POLH: variants seen among roughly 807,000 people sequenced by gnomAD.
POLH encodes the protein DNA polymerase eta transcript.
In POLH, 53 loss-of-function variants were observed where a neutral mutation model predicts 73.6. That is an observed-to-expected ratio of 0.72 (90% CI 0.58 to 0.91). POLH has a LOEUF of 0.91. Among genes scored for constraint, POLH ranks in the 40% least tolerant of loss-of-function variants. POLH has a pLI of 0.00. For missense variants in POLH, 768 were observed against 865.4 expected (o/e 0.89, Z 1.41); for synonymous variants, 292 against 308.5 (o/e 0.95, Z 0.56).
At chr6:43,610,461 T>C in intron 9 of POLH, 93 bp from the exon 10 acceptor site, 1 of 1,004,802 alleles carries the variant, frequency 1.0e-6, no homozygotes, top group East Asian at 2.4e-5. Flanking sequence ...ATTGTCACCC[T>C]GGTTCTTTTA....
intron 1 of POLH, among the ~76,000 whole-genome samples, chr6:43,577,171 C>T (rs1331976168): frequency 2.6e-5 from 4 of 152,200 alleles, no homozygotes; most frequent in South Asian, 4.1e-4. Context: ...GAGCGAAACT[C>T]CGTCTCAAAA....
At chr6:43,594,370 ATAAT>A (rs1256206609) in intron 4 of POLH, among the ~76,000 whole-genome samples, 1 of 152,188 alleles carries the variant, frequency 6.6e-6, no homozygotes, top group Non-Finnish European at 1.5e-5. Flanking sequence ...AGGAAAACAG[ATAAT>A]TAAAAAAAAA....
intron 4 of POLH, chr6:43,588,154 G>T (rs1765043522): frequency 6.3e-6 from 1 of 159,392 alleles, no homozygotes; most frequent in South Asian, 1.8e-4. Context: ...TTTTAAAGGG[G>T]GGCCTCAGGT....
rs186059509 is a variant in POLH at position 43,616,106 on chromosome 6, C to T, written c.*1549C>T. On this transcript the variant is annotated 3_prime_UTR_variant, in exon 11 of 11. Transcript: ENST00000372236. ...GATCGAGACCACGGTGAAACCCCGT[C>T]TCTACTAAAAAATACAAAAAAAAAT... Among the ~76,000 whole-genome samples, 747 of 151,904 alleles carry T rather than the reference C, an allele frequency of 4.9e-3. 5 individuals carry two copies. Among genetic ancestry groups the T allele is most frequent in the African/African-American group, 0.016 (679 of 41,482 alleles).
rs577120706 is a variant in POLH, at chr6:43,607,572, C to T, written c.1074+2253C>T. On this transcript the variant is annotated intron_variant, in intron 9 of 10. Transcript: ENST00000372236. The stretch of plus-strand genomic sequence containing the variant: ...GTGTAGACACCTGTTTTCTTTCCAG[C>T]ATATACCTTGGAGTATAATTTCTGG... Among the ~76,000 whole-genome samples the T allele has an allele frequency of 3.3e-5, 5 of 152,296 alleles. No individual in the cohort carries two copies. In the South Asian group the frequency reaches 1.0e-3, roughly 32 times the overall value.
intron 10 of POLH, among the ~76,000 whole-genome samples, chr6:43,613,278 G>A (rs1239787820): frequency 6.6e-6 from 1 of 152,082 alleles, no homozygotes; most frequent in Non-Finnish European, 1.5e-5. Flanking sequence ...ATATTCTAAA[G>A]CTTTTTGTTG....
intron 1 of POLH, among the ~76,000 whole-genome samples, chr6:43,581,274 G>A (rs1225987138): frequency 1.2e-3 from 184 of 147,906 alleles, no homozygotes; most frequent in African/African-American, 4.0e-3. Flanking sequence ...GGGCAGAGGC[G>A]CTCCCCACAT....
intron 9 of POLH, among the ~76,000 whole-genome samples, chr6:43,607,321 A>C (rs1385444056): frequency 6.6e-6 from 1 of 152,114 alleles, no homozygotes; most frequent in Admixed American, 6.6e-5. Context: ...TCTCAATCTC[A>C]TGACCTTGTG....
chr6:43,610,484 G>A lies in POLH; in HGVS notation c.1075-70G>A. 2.4e-6 allele frequency: 3 copies of A among 1,266,334 alleles called. No homozygotes were observed. In the South Asian group the frequency reaches 3.6e-5, roughly 15 times the overall value. 78.4% of individuals were successfully genotyped at this position (1,266,334 alleles called of 1,614,324 possible). On this transcript the variant is annotated intron_variant, in intron 9 of 10. Transcript: ENST00000372236. Reference sequence around the variant, plus strand: ...CCTGGTTCTTTTAATTTCCTCTCCTGCAGTTCAGTACCTAGAATTCAGATG... The same window carrying A: ...CCTGGTTCTTTTAATTTCCTCTCCTACAGTTCAGTACCTAGAATTCAGATG...
At chr6:43,588,880 C>T (rs1016236577) in intron 4 of POLH, 2 of 151,512 alleles carry the variant, frequency 1.3e-5, no homozygotes, top group African/African-American at 4.9e-5. Context: ...CTCTTTCGCC[C>T]AGGCCGGACT....
At position 43,612,385 on chromosome 6, in the gene POLH, T is replaced by C. The variant is rs116305388; in HGVS notation, c.1245-1275T>C. 9.2e-3 allele frequency among the ~76,000 whole-genome samples: 1,394 copies of C among 151,434 alleles called. 18 individuals carry two copies. The highest frequency in any genetic ancestry group is 0.031 in the African/African-American group (1,259 of 41,120). ...TTTTGAGACGGAATCTCGCTCTTGT[T>C]GTCTAGGCTGGAGTGCAGTGACGCA... On this transcript the variant is annotated intron_variant, in intron 10 of 10. Coordinates refer to ENST00000372236, the MANE Select transcript of POLH (RefSeq NM_006502.3).
intron 1 of POLH, among the ~76,000 whole-genome samples, chr6:43,581,127 A>G (rs1582267676): frequency 1.5e-5 from 2 of 137,488 alleles, no homozygotes; most frequent in Non-Finnish European, 3.2e-5. Context: ...GGGGCTCCTC[A>G]CTTCTCAGAC....
rs183254556 is a variant in POLH, at chr6:43,585,725, A to G, written c.273-1547A>G. ...CAATGGTGCAATCTCGGCTCACCAC[A>G]ACCTCCATCTCTTGGATTCAAGTGA... is the stretch of plus-strand genomic sequence containing the variant. On this transcript the variant is annotated intron_variant, in intron 3 of 10. Transcript: ENST00000372236. Among the ~76,000 whole-genome samples, 727 of 149,380 alleles carry G rather than the reference A, an allele frequency of 4.9e-3. 5 individuals carry two copies. Among genetic ancestry groups the G allele is most frequent in the African/African-American group, 0.016 (661 of 40,124 alleles).
rs554195364 is a variant in POLH, at chr6:43,602,086, A to G, written c.764+995A>G. Among the ~76,000 whole-genome samples, 51 of 152,166 alleles carry G rather than the reference A, an allele frequency of 3.4e-4. No homozygotes were observed. In the Middle Eastern group the frequency reaches 0.01, roughly 30 times the overall value. On this transcript the variant is annotated intron_variant, in intron 6 of 10. Coordinates refer to ENST00000372236, the MANE Select transcript of POLH (RefSeq NM_006502.3). ...AAATATATAAAAAATAAATAAATAAACCAAGTTTTAGCTAAATGTTTAACT... is the reference window on the plus strand; with the variant it reads ...AAATATATAAAAAATAAATAAATAAGCCAAGTTTTAGCTAAATGTTTAACT...
At chr6:43,597,477 A>T (rs950000947) in intron 4 of POLH, among the ~76,000 whole-genome samples, 1 of 152,348 alleles carries the variant, frequency 6.6e-6, no homozygotes, top group South Asian at 2.1e-4. Context: ...TTTGTCGTAC[A>T]TTAGCACTAT....
In POLH at chr6:43,587,352, A is replaced by T; in HGVS notation, c.353A>T (p.Tyr118Phe). The change falls in exon 4 of 11, where the codon TAC becomes TTC. Residue 118 changes from tyrosine (Y) to phenylalanine (F), a missense_variant. Coordinates refer to ENST00000372236, the MANE Select transcript of POLH (RefSeq NM_006502.3). ...GAACGTGCCAGCATTGATGAGGCTTACGTAGATCTGACCAGTGCTGTACAA... is the reference window on the plus strand; with the variant it reads ...GAACGTGCCAGCATTGATGAGGCTTTCGTAGATCTGACCAGTGCTGTACAA... Reference protein sequence around the residue: ...VIERASIDEAYVDLTSAVQER... With the variant: ...VIERASIDEAFVDLTSAVQER... 2 of 1,614,104 alleles carry T rather than the reference A, an allele frequency of 1.2e-6. No homozygotes were observed. The highest frequency in any genetic ancestry group is 1.7e-6 in the Non-Finnish European group (2 of 1,179,918).
intron 10 of POLH, among the ~76,000 whole-genome samples, chr6:43,611,604 T>G (rs1280327885): frequency 2.6e-5 from 4 of 152,166 alleles, no homozygotes; most frequent in Non-Finnish European, 5.9e-5. Flanking sequence ...AATAGAAATA[T>G]AATTATGAGA....
rs373022227 is a variant in POLH at position 43,619,416 on chromosome 6, G to A, written c.*4859G>A. On this transcript the variant is annotated 3_prime_UTR_variant, in exon 11 of 11. Transcript: ENST00000372236. ...AAAAGACTACATTCACTGTATACGTGGCCTTTTCCCCCTAACTAGCTATGT... is the reference window on the plus strand; with the variant it reads ...AAAAGACTACATTCACTGTATACGTAGCCTTTTCCCCCTAACTAGCTATGT... Among the ~76,000 whole-genome samples the A allele has an allele frequency of 3.3e-5, 5 of 149,356 alleles. No individual in the cohort carries two copies. The South Asian group carries it at 1.1e-3, about 32-fold the overall frequency.
rs189941601 is a variant in POLH at position 43,582,603 on chromosome 6, G to A, written c.137+147G>A. On this transcript the variant is annotated intron_variant, in intron 2 of 10. Coordinates refer to ENST00000372236, the MANE Select transcript of POLH (RefSeq NM_006502.3). ...AGCGCAGTGGCACCATCAGCTCACA[G>A]CAGCTTTGACCTGGGCTCAAGTGAT... 3.6e-3 allele frequency: 2,994 copies of A among 840,182 alleles called. 64 individuals carry two copies. In the African/African-American group the frequency reaches 0.045, roughly 12 times the overall value. The allele number at this position is 840,182 out of a possible 1,614,324, so 52.0% of individuals were successfully genotyped here. A position where few individuals can be genotyped will look rare whatever the true frequency, so the allele number is the denominator to read the frequency against.
Sources: allele counts gnomAD v4.1 joint callset (sites outside exome capture counted in the v4.1 genomes callset), GRCh38; gene constraint gnomAD v4.1.1; transcripts MANE v1.5; gene names NCBI Gene and HGNC (gene_info 2026-07-23, HGNC 2026-07-21).